SCHIP1: variants seen among roughly 807,000 people sequenced by gnomAD.
SCHIP1 encodes schwannomin-interacting protein 1.
In SCHIP1, 8 loss-of-function variants were observed where a neutral mutation model predicts 29.7. The ratio of observed to expected loss-of-function variants is 0.27; its 90% CI spans 0.16 to 0.49. The LOEUF is 0.49. Ranked by LOEUF, SCHIP1 falls within the 20% of genes least tolerant of loss-of-function variation. The pLI is 0.99. For missense variants in SCHIP1, 193 were observed against 294.6 expected (o/e 0.66, Z 2.52); for synonymous variants, 76 against 94.9 (o/e 0.80, Z 1.16).
the SCHIP1 span, among the ~76,000 whole-genome samples, chr3:159,596,429 C>A: frequency 5.9e-5 from 9 of 152,116 alleles, no homozygotes; most frequent in Admixed American, 5.9e-4. Flanking sequence ...TACCCTTTGA[C>A]CCAGCCATCC....
the SCHIP1 span, among the ~76,000 whole-genome samples, chr3:159,373,564 A>G: frequency 6.6e-6 from 1 of 151,768 alleles, no homozygotes; most frequent in East Asian, 1.9e-4. Flanking sequence ...TCATCTCCCT[A>G]TTTCCCTCAA....
At chr3:159,573,374 C>T in the SCHIP1 span, among the ~76,000 whole-genome samples, 40 of 152,124 alleles carry the variant, frequency 2.6e-4, no homozygotes, top group Non-Finnish European at 4.1e-4. Flanking sequence ...ACTTATGAAG[C>T]TTTGTTTGGC....
At chr3:159,828,408 C>CGTATATAT in the SCHIP1 span, among the ~76,000 whole-genome samples, 750 of 32,952 alleles carry the variant, frequency 0.023, 57 homozygotes, top group African/African-American at 0.15. Flanking sequence ...TATATATATA[C>CGTATATAT]GTATATATAC....
At chr3:159,622,788 G>A in the SCHIP1 span, among the ~76,000 whole-genome samples, 1 of 152,008 alleles carries the variant, frequency 6.6e-6, no homozygotes, top group Non-Finnish European at 1.5e-5. Flanking sequence ...GCATGATGGT[G>A]GGCCCAGTAG....
At chr3:159,543,670 A>G in the SCHIP1 span, among the ~76,000 whole-genome samples, 7 of 151,876 alleles carry the variant, frequency 4.6e-5, no homozygotes, top group Admixed American at 4.6e-4. Context: ...TAGTGCCGCA[A>G]TAAACATACG....
the SCHIP1 span, among the ~76,000 whole-genome samples, chr3:159,724,995 T>C: frequency 2.0e-5 from 3 of 152,244 alleles, no homozygotes; most frequent in Admixed American, 2.0e-4. Flanking sequence ...AATATATTCA[T>C]CTTGTTTTCA....
the SCHIP1 span, among the ~76,000 whole-genome samples, chr3:159,418,234 C>A: frequency 1.2e-4 from 19 of 152,170 alleles, no homozygotes; most frequent in Admixed American, 1.3e-4. Context: ...TTAGTTAATT[C>A]ATCCTCTGTT....
At chr3:159,565,544 C>G in the SCHIP1 span, among the ~76,000 whole-genome samples, 484 of 152,286 alleles carry the variant, frequency 3.2e-3, 1 homozygote, top group Middle Eastern at 0.024. Flanking sequence ...CACTTCTCTC[C>G]TTCTCCACAA....
the SCHIP1 span, among the ~76,000 whole-genome samples, chr3:159,581,469 C>T: frequency 6.6e-6 from 1 of 152,134 alleles, no homozygotes; most frequent in Non-Finnish European, 1.5e-5. Flanking sequence ...ACTATGCCCA[C>T]CCGCGCCAGC....
the SCHIP1 span, among the ~76,000 whole-genome samples, chr3:159,649,950 T>TG: frequency 6.6e-6 from 1 of 152,226 alleles, no homozygotes; most frequent in African/African-American, 2.4e-5. Context: ...AAATTCTATT[T>TG]TCCCAAGACA....
chr3:159,572,488 G>T, the SCHIP1 span, among the ~76,000 whole-genome samples: 1 of 152,300 alleles, frequency 6.6e-6, no homozygotes, highest in African/African-American at 2.4e-5. Flanking sequence ...GAGACAGTTT[G>T]TTGTGATTTC....
chr3:159,786,672 T>C, the SCHIP1 span, among the ~76,000 whole-genome samples: 1 of 104,862 alleles, frequency 9.5e-6, no homozygotes, highest in East Asian at 4.0e-4. Context: ...AAAGCGTGTG[T>C]GTGTGTGTGT....
At chr3:159,382,606 C>A in the SCHIP1 span, among the ~76,000 whole-genome samples, 14 of 151,956 alleles carry the variant, frequency 9.2e-5, no homozygotes. Flanking sequence ...ATTTATAATC[C>A]TTTGGGTATA....
At chr3:159,821,492 A>G in the SCHIP1 span, among the ~76,000 whole-genome samples, 1 of 152,192 alleles carries the variant, frequency 6.6e-6, no homozygotes, top group Non-Finnish European at 1.5e-5. Context: ...TACCATGGAT[A>G]GTACTGAACG....
the SCHIP1 span, among the ~76,000 whole-genome samples, chr3:159,487,396 G>A: frequency 6.6e-6 from 1 of 151,888 alleles, no homozygotes; most frequent in African/African-American, 2.4e-5. Flanking sequence ...CAAACTTTTT[G>A]GATGTTCCCC....
the SCHIP1 span, among the ~76,000 whole-genome samples, chr3:159,470,665 T>G: frequency 6.6e-6 from 1 of 152,116 alleles, no homozygotes; most frequent in Non-Finnish European, 1.5e-5. Flanking sequence ...TGTCCTTTCC[T>G]TTCCTCTCAA....
At chr3:159,734,809 T>C in the SCHIP1 span, among the ~76,000 whole-genome samples, 3 of 143,096 alleles carry the variant, frequency 2.1e-5, no homozygotes, top group Non-Finnish European at 3.0e-5. Context: ...TTTTTTTTTT[T>C]CTATTGCCTG....
the SCHIP1 span, among the ~76,000 whole-genome samples, chr3:159,740,778 A>T: frequency 6.6e-6 from 1 of 150,470 alleles, no homozygotes; most frequent in Non-Finnish European, 1.5e-5. Flanking sequence ...AAAGAAAAAA[A>T]AAAAAAAAAA....
chr3:159,342,875 T>C, the SCHIP1 span, among the ~76,000 whole-genome samples: 5 of 152,222 alleles, frequency 3.3e-5, no homozygotes. Context: ...TTAATACCCA[T>C]TGTTTATAAT....
Sources: gnomAD v4.1 joint callset for allele counts (sites outside exome capture counted in the v4.1 genomes callset) on GRCh38, gnomAD v4.1.1 for gene constraint, MANE v1.5 for transcripts, NCBI Gene and HGNC (gene_info 2026-07-23, HGNC 2026-07-21) for gene names.